Variants in PCNP observed in about 807,000 individuals in gnomAD.
PCNP encodes the protein PEST proteolytic signal-containing nuclear protein.
A neutral mutation model predicts 21.8 loss-of-function variants in PCNP; 6 were observed. That is an observed-to-expected ratio of 0.28 (90% CI 0.15 to 0.54). The LOEUF (loss-of-function observed/expected upper bound fraction) is 0.54. Among genes scored for constraint, PCNP ranks in the 20% least tolerant of loss-of-function variants. PCNP has a pLI of 0.95. For synonymous variants in PCNP, 67 were observed against 73.2 expected, an observed-to-expected ratio of 0.92 and a Z score of 0.43; for missense variants, 161 against 215.5, an observed-to-expected ratio of 0.75 and a Z score of 1.58.
chr3:101,577,038 A>G (rs1200576226), intron 1 of PCNP: 9 of 754,498 alleles, frequency 1.2e-5, no homozygotes, highest in Non-Finnish European at 2.1e-5. Flanking sequence ...TGTTGGCTAG[A>G]ATGGTCTCAA....
chr3:101,576,826 G>T, intron 1 of PCNP: 1 of 1,609,234 alleles, frequency 6.2e-7, no homozygotes, highest in Admixed American at 1.7e-5. Flanking sequence ...CACCACATGA[G>T]CATATCTTCG....
At chr3:101,587,693 A>G (rs930206588) in intron 3 of PCNP, among the ~76,000 whole-genome samples, 5 of 151,580 alleles carry the variant, frequency 3.3e-5, no homozygotes, top group Non-Finnish European at 5.9e-5. Context: ...GACCTGAATT[A>G]AGTTTGAGAA....
intron 2 of PCNP, among the ~76,000 whole-genome samples, 173 bp from the exon 3 acceptor site, chr3:101,585,264 T>C (rs1295905036): frequency 6.6e-6 from 1 of 152,242 alleles, no homozygotes; most frequent in African/African-American, 2.4e-5. Context: ...TACCCACTGA[T>C]AATCCACATT....
At chr3:101,592,415 C>G (rs570874134) in intron 4 of PCNP, among the ~76,000 whole-genome samples, 147 of 151,956 alleles carry the variant, frequency 9.7e-4, no homozygotes, top group Non-Finnish European at 1.5e-3. Context: ...CTCAGGTGAT[C>G]CACCTGCCTC....
upstream of PCNP, chr3:101,574,172 G>A (rs1934722893): frequency 1.3e-6 from 2 of 1,542,022 alleles, no homozygotes; most frequent in African/African-American, 2.7e-5. Flanking sequence ...GGGCGGGGTC[G>A]TGACGTCCTT....
chr3:101,586,601 CAGAGAGAG>C (rs59827485), intron 3 of PCNP, among the ~76,000 whole-genome samples: 3 of 133,366 alleles, frequency 2.2e-5, no homozygotes, highest in Admixed American at 7.5e-5. Flanking sequence ...TTTCTTGTTT[CAGAGAGAG>C]AGAGAGAGAG....
chr3:101,590,121 C>A, intron 3 of PCNP, 94 bp from the exon 4 acceptor site: 1 of 714,970 alleles, frequency 1.4e-6, no homozygotes. Flanking sequence ...AGTGAAAATG[C>A]TAAAAGACTT....
intron 3 of PCNP, 108 bp downstream of exon 3, chr3:101,585,619 T>A: frequency 1.6e-6 from 1 of 627,204 alleles, no homozygotes; most frequent in South Asian, 2.2e-5. Context: ...TTTATAATAG[T>A]TTTTGTGTCT....
chr3:101,591,777 T>G (rs1181031301), intron 4 of PCNP, among the ~76,000 whole-genome samples: 4 of 148,390 alleles, frequency 2.7e-5, no homozygotes, highest in Non-Finnish European at 4.5e-5. Context: ...TTTTTTTTTT[T>G]TTTTTTTTTT....
chr3:101,575,155 T>A (rs891128770), intron 1 of PCNP, among the ~76,000 whole-genome samples: 3 of 152,212 alleles, frequency 2.0e-5, no homozygotes, highest in African/African-American at 7.2e-5. Context: ...TCTTTGCACA[T>A]AACAAGACAA....
chr3:101,581,311 T>C (rs1276838758), intron 2 of PCNP, among the ~76,000 whole-genome samples: 1 of 152,164 alleles, frequency 6.6e-6, no homozygotes, highest in Non-Finnish European at 1.5e-5. Context: ...ATGTTAAATA[T>C]ATATTCTCAG....
intron 3 of PCNP, among the ~76,000 whole-genome samples, chr3:101,586,248 A>T (rs113528088): frequency 6.6e-6 from 1 of 151,776 alleles, no homozygotes; most frequent in South Asian, 2.1e-4. Context: ...TAACAATTCA[A>T]TAGTGCTGGT....
intron 1 of PCNP, chr3:101,577,055 G>C: frequency 1.4e-6 from 1 of 705,140 alleles, no homozygotes; most frequent in Admixed American, 2.0e-5. Context: ...TCAATCTCTT[G>C]ACCTCGTGAT....
At chr3:101,584,529 T>TA (rs1935392755) in intron 2 of PCNP, among the ~76,000 whole-genome samples, 2 of 152,184 alleles carry the variant, frequency 1.3e-5, no homozygotes, top group African/African-American at 2.4e-5. Flanking sequence ...AAAGCATTGT[T>TA]ACAGAAGCCA....
At chr3:101,586,574 G>GAGAGAGAGAGAGAGAGAGTTTCTTGTTTC (rs1935533694) in intron 3 of PCNP, among the ~76,000 whole-genome samples, 1 of 149,556 alleles carries the variant, frequency 6.7e-6, no homozygotes, top group African/African-American at 2.5e-5. Context: ...GTGTGTGTGA[G>GAGAGAGAGAGAGAGAGAGTTTCTTGTTTC]AGAGAGAGAG....
intron 2 of PCNP, among the ~76,000 whole-genome samples, chr3:101,581,424 A>ATT (rs1935214236): frequency 6.6e-6 from 1 of 150,854 alleles, no homozygotes. Flanking sequence ...TTATTTATTT[A>ATT]TATTTATTTA....
At chr3:101,579,515 TGTTTA>T in intron 1 of PCNP, 1 of 580,660 alleles carries the variant, frequency 1.7e-6, no homozygotes, top group Admixed American at 2.2e-5. Flanking sequence ...CAAATTGTAG[TGTTTA>T]GTTGAAGGGT....
At chr3:101,576,758 C>A in intron 1 of PCNP, 1 of 1,611,728 alleles carries the variant, frequency 6.2e-7, no homozygotes, top group South Asian at 1.1e-5. Flanking sequence ...ACACGTTCCA[C>A]CTCATCATCA....
rs1213898462 is a variant in PCNP at position 101,593,747 on chromosome 3, C to T, written c.*994C>T. On this transcript the variant is annotated 3_prime_UTR_variant, in exon 5 of 5. Coordinates refer to ENST00000265260, the MANE Select transcript of PCNP (RefSeq NM_020357.3). ...TCCAATTTGAATTGAACTTAACTAT[C>T]GGCTTTCTTACTGGTAAAATTATAT... 6.6e-6 allele frequency: 1 copy of T among 152,534 alleles called. No homozygotes were observed. Among genetic ancestry groups the T allele is most frequent in the African/African-American group, 2.4e-5 (1 of 41,438 alleles). The allele number at this position is 152,534 out of a possible 1,614,324, so 9.4% of individuals were successfully genotyped here. A position where few individuals can be genotyped will look rare whatever the true frequency, so the allele number is the denominator to read the frequency against.
Sources: gnomAD v4.1 joint callset for allele counts (sites outside exome capture counted in the v4.1 genomes callset) on GRCh38, gnomAD v4.1.1 for gene constraint, MANE v1.5 for transcripts, NCBI Gene and HGNC (gene_info 2026-07-23, HGNC 2026-07-21) for gene names.